NUP107: variants seen among roughly 807,000 people sequenced by gnomAD.
NUP107 encodes nucleoporin 107, also known as nuclear pore complex protein Nup107.
NUP107 carries 101 observed loss-of-function variants against 141.0 expected under a neutral mutation model. That is an observed-to-expected ratio of 0.72 (90% confidence interval 0.61 to 0.84). The LOEUF (loss-of-function observed/expected upper bound fraction) is 0.84. NUP107 is among the 40% of genes least tolerant of loss of function. The pLI is 0.00. For missense variants in NUP107, 941 were observed against 1,102.7 expected (o/e 0.85, Z 2.08); for synonymous variants, 319 against 363.9 (o/e 0.88, Z 1.41).
intron 12 of NUP107, 48 bp downstream of exon 12, chr12:68,715,788 CTT>C (rs777662336): frequency 1.5e-5 from 17 of 1,165,976 alleles, no homozygotes; most frequent in Non-Finnish European, 2.0e-5. Flanking sequence ...GTCATAGACT[CTT>C]TGAGTTGGAA....
At chr12:68,727,250 A>T in intron 19 of NUP107, 101 bp from the exon 20 acceptor site, 2 of 617,380 alleles carry the variant, frequency 3.2e-6, no homozygotes, top group Non-Finnish European at 5.8e-6. Context: ...AGTGGTAAAC[A>T]TTACAATTAT....
Position 68,690,499 on chromosome 12 carries a change from A to T in NUP107, c.188-132A>T. Reference sequence around the variant, plus strand: ...TGTATCATGGAAATGTTAACATTTAAAGTATTTATTTGGTTAGAGTCTAAA... The same window carrying T: ...TGTATCATGGAAATGTTAACATTTATAGTATTTATTTGGTTAGAGTCTAAA... On this transcript the variant is annotated intron_variant, in intron 3 of 27. Coordinates refer to ENST00000229179, the MANE Select transcript of NUP107 (RefSeq NM_020401.4). The T allele has an allele frequency of 1.8e-6, 2 of 1,109,364 alleles. 1 individual carries two copies. The highest frequency in any genetic ancestry group is 3.1e-5 in the South Asian group (2 of 64,466). The allele number at this position is 1,109,364 out of a possible 1,614,324, so 68.7% of individuals were successfully genotyped here. A position where few individuals can be genotyped will look rare whatever the true frequency, so the allele number is the denominator to read the frequency against.
chr12:68,710,969 A>G (rs1876825219), intron 10 of NUP107, among the ~76,000 whole-genome samples: 1 of 152,026 alleles, frequency 6.6e-6, no homozygotes, highest in African/African-American at 2.4e-5. Context: ...AAAAAAATGA[A>G]TTAGAGGCTC....
intron 17 of NUP107, 136 bp downstream of exon 17, chr12:68,722,288 C>T (rs567378353): frequency 1.2e-5 from 8 of 667,640 alleles, no homozygotes; most frequent in East Asian, 3.1e-5. Context: ...TTCTTTGAAA[C>T]GAAGAAACTT....
intron 22 of NUP107, among the ~76,000 whole-genome samples, chr12:68,731,929 AT>A (rs1415550414): frequency 2.6e-5 from 4 of 152,318 alleles, no homozygotes; most frequent in Admixed American, 1.3e-4. Flanking sequence ...ATAGAAAAAA[AT>A]CTCAGCTTTG....
rs752554807 is a variant in NUP107, at chr12:68,689,053, C to T, written c.100C>T (p.Leu34Phe). The T allele has an allele frequency of 1.6e-5, 26 of 1,605,764 alleles. No homozygotes were observed. Among genetic ancestry groups the T allele is most frequent in the Middle Eastern group, 1.6e-4 (1 of 6,076 alleles). The change falls in exon 2 of 28, where the codon CTT (leucine) becomes TTT (phenylalanine). Residue 34 changes from leucine (L) to phenylalanine (F), a missense_variant and splice_region_variant. Coordinates refer to ENST00000229179, the MANE Select transcript of NUP107 (RefSeq NM_020401.4). ...ACAGAGTGCTCAGAAAAGAGTTTTA[C>T]GTATCCTTTGCGATTTAAGCATCAT... ...RKQSAQKRVL[L>F]QASQDENFGN...
rs775566595 is a variant in NUP107 at position 68,728,421 on chromosome 12, C to CTTT, written c.1734+1050_1734+1052dup. Among the ~76,000 whole-genome samples the CTTT allele has an allele frequency of 1.2e-3, 138 of 112,458 alleles. 4 individuals are homozygous for CTTT. The highest frequency in any genetic ancestry group is 2.6e-3 in the African/African-American group (76 of 29,686). 73.8% of individuals were successfully genotyped at this position (112,458 alleles called of 152,430 possible). A position where few individuals can be genotyped will look rare whatever the true frequency, so the allele number is the denominator to read the frequency against. ...AGCCTGGGAAACAGCGAAAACCTGT[C>CTTT]TTTTTTTTTTTTTTTTTTTTGAGAC... On this transcript the variant is annotated intron_variant, in intron 20 of 27. Coordinates refer to ENST00000229179, the MANE Select transcript of NUP107 (RefSeq NM_020401.4).
intron 1 of NUP107, chr12:68,687,332 C>A: frequency 1.3e-6 from 1 of 740,816 alleles, no homozygotes; most frequent in Non-Finnish European, 2.0e-6. Flanking sequence ...GGGGCAGCAA[C>A]ACTGTTCGCT....
rs1428731579 is a variant in NUP107 at position 68,713,734 on chromosome 12, A to G, written c.895A>G (p.Asn299Asp). 1.3e-6 allele frequency: 2 copies of G among 1,597,214 alleles called. No individual in the cohort carries two copies. Reference protein sequence around the residue: ...EFYAKSVYWENTLHTLKQRQL... With the variant: ...EFYAKSVYWEDTLHTLKQRQL... ...GGTACTTATTATTTCTTTCAGGGAA[A>G]ATACTCTGCATACCTTAAAACAACG... is the stretch of plus-strand genomic sequence containing the variant. The change falls in exon 11 of 28, where the codon AAT (asparagine) becomes GAT (aspartate). Residue 299 changes from asparagine (N) to aspartate (D), a missense_variant. By Grantham distance (23) the Asn-to-Asp change is conservative. Transcript: ENST00000229179.
At chr12:68,699,375 C>CAAAAT (rs552029790) in intron 6 of NUP107, among the ~76,000 whole-genome samples, 1 of 151,542 alleles carries the variant, frequency 6.6e-6, no homozygotes, top group Non-Finnish European at 1.5e-5. Context: ...TCCTCCGTCT[C>CAAAAT]AAAATAAAAT....
At chr12:68,709,354 A>G (rs1248019605) in intron 9 of NUP107, 45 bp downstream of exon 9, 1 of 1,170,570 alleles carries the variant, frequency 8.5e-7, no homozygotes, top group East Asian at 2.4e-5. Flanking sequence ...CATGGAGAAA[A>G]GGTTAATGAC....
intron 3 of NUP107, 42 bp from the exon 4 acceptor site, chr12:68,690,589 C>T: frequency 6.2e-7 from 1 of 1,613,404 alleles, no homozygotes. Context: ...ATAATGAATG[C>T]TCACGCACTT....
intron 13 of NUP107, 65 bp downstream of exon 13, chr12:68,719,496 T>A: frequency 6.4e-7 from 1 of 1,558,372 alleles, no homozygotes; most frequent in Non-Finnish European, 8.8e-7. Context: ...TGCCAATCTT[T>A]GTGAACTATA....
intron 10 of NUP107, among the ~76,000 whole-genome samples, chr12:68,712,778 TCAA>T (rs1876925043): frequency 6.6e-6 from 1 of 152,068 alleles, no homozygotes; most frequent in African/African-American, 2.4e-5. Context: ...CATTTGGTTT[TCAA>T]CAAGGACATC....
At position 68,709,170 on chromosome 12, in the gene NUP107, TTAAAA is replaced by T. The variant is rs1281487510; in HGVS notation, c.730-64_730-60del. ...TTCATACTGGCTTTTTATCTTTCTA[TTAAAA>T]TAATATTTCTTAACAGCATCTTCTT... On this transcript the variant is annotated intron_variant, in intron 8 of 27. Coordinates refer to ENST00000229179, the MANE Select transcript of NUP107 (RefSeq NM_020401.4). 1.8e-5 allele frequency: 19 copies of T among 1,076,364 alleles called. No homozygotes were observed. In the East Asian group the frequency reaches 4.3e-4, roughly 24 times the overall value. 66.7% of individuals were successfully genotyped at this position (1,076,364 alleles called of 1,614,324 possible).
At chr12:68,699,994 C>T (rs1876249593) in intron 6 of NUP107, among the ~76,000 whole-genome samples, 1 of 152,170 alleles carries the variant, frequency 6.6e-6, no homozygotes, top group South Asian at 2.1e-4. Flanking sequence ...CCTCTGCCTC[C>T]TGGGTTCAAG....
At chr12:68,700,604 A>G (rs1876281282) in intron 6 of NUP107, 122 bp from the exon 7 acceptor site, 2 of 554,316 alleles carry the variant, frequency 3.6e-6, no homozygotes, top group Non-Finnish European at 5.7e-6. Context: ...AAAATAGAGA[A>G]GGCAATTTTA....
chr12:68,719,382 TG>T lies in NUP107; in HGVS notation c.1126del (p.Ala376GlnfsTer20). The T allele has an allele frequency of 6.2e-7, 1 of 1,614,182 alleles. No homozygotes were observed. The highest frequency in any genetic ancestry group is 1.1e-5 in the South Asian group (1 of 91,080). ...CKRCGQAWRA[A>X]TLEGWKLYHD... ...AACGCTGTGGTCAAGCATGGAGAGCTGCAACACTTGAAGGCTGGAAACTGTA... is the reference window on the plus strand; with the variant it reads ...AACGCTGTGGTCAAGCATGGAGAGCTCAACACTTGAAGGCTGGAAACTGTA... On this transcript the variant is annotated frameshift_variant, in exon 13 of 28. Transcript: ENST00000229179. LOFTEE classifies it high-confidence loss of function.
intron 19 of NUP107, 100 bp downstream of exon 19, chr12:68,726,717 G>T (rs1739515951): frequency 3.8e-6 from 3 of 793,402 alleles, no homozygotes; most frequent in African/African-American, 1.7e-5. Flanking sequence ...TCTAGAAATG[G>T]TGATAAGGAA....
Sources: gnomAD v4.1 joint callset for allele counts (sites outside exome capture counted in the v4.1 genomes callset) on GRCh38, gnomAD v4.1.1 for gene constraint, MANE v1.5 for transcripts, NCBI Gene and HGNC (gene_info 2026-07-23, HGNC 2026-07-21) for gene names.